KATNB1: variants seen among roughly 807,000 people sequenced by gnomAD.
KATNB1 encodes katanin p80 WD40 repeat-containing subunit B1.
In KATNB1, 38 loss-of-function variants were observed where a neutral mutation model predicts 82.3. That is an observed-to-expected ratio of 0.46 (90% CI 0.36 to 0.61). KATNB1 has a LOEUF of 0.61. KATNB1 is among the 20% of genes least tolerant of loss of function. The pLI is 0.00. For synonymous variants in KATNB1, 361 were observed against 368.7 expected (o/e 0.98, Z 0.24); for missense variants, 749 against 915.7 (o/e 0.82, Z 2.35).
At chr16:57,754,224 TG>T (rs1262221279) in intron 13 of KATNB1, among the ~76,000 whole-genome samples, 1 of 151,934 alleles carries the variant, frequency 6.6e-6, no homozygotes, top group African/African-American at 2.4e-5. Context: ...GGGACAAACA[TG>T]GACACCACCA....
At chr16:57,740,891 C>G (rs2049137134) in intron 2 of KATNB1, among the ~76,000 whole-genome samples, 1 of 152,188 alleles carries the variant, frequency 6.6e-6, no homozygotes, top group Non-Finnish European at 1.5e-5. Context: ...CTCATGGTGA[C>G]TAGCCCCGAG....
Position 57,752,807 on chromosome 16 carries a change from G to A in KATNB1, c.734G>A (p.Cys245Tyr). Residue 245 changes from cysteine (C) to tyrosine (Y), a missense_variant, in exon 10 of 20, where the codon TGC (cysteine) becomes TAC (tyrosine). By Grantham distance (194) the Cys-to-Tyr change is radical (BLOSUM62 -2). This residue lies in a region of KATNB1 where 247 missense variants were observed against 349.4 expected (regional missense o/e 0.71). Coordinates refer to ENST00000379661, the MANE Select transcript of KATNB1 (RefSeq NM_005886.3). ...RSVLFNPDGC[C>Y]LYSGCQDSLR... ...GTCCTCTTCAACCCAGACGGCTGCT[G>A]CCTGTACAGCGGCTGCCAGGACTCA... is the stretch of plus-strand genomic sequence containing the variant. 2 of 1,611,162 alleles carry A rather than the reference G, an allele frequency of 1.2e-6. No homozygotes were observed. Among genetic ancestry groups the A allele is most frequent in the Non-Finnish European group, 1.7e-6 (2 of 1,179,688 alleles).
Position 57,756,749 on chromosome 16 carries a change from G to A in KATNB1, c.1836-65G>A, listed in dbSNP as rs192816669. On this transcript the variant is annotated intron_variant, in intron 19 of 19. Coordinates refer to ENST00000379661, the MANE Select transcript of KATNB1 (RefSeq NM_005886.3). ...GGCTGGAGCAGTTAGGACAGCAAAG[G>A]CCCTGGGGTTGGGTGTGGGTGGTGG... is the stretch of plus-strand genomic sequence containing the variant. The A allele has an allele frequency of 4.7e-6, 7 of 1,481,454 alleles. No homozygotes were observed. In the East Asian group the frequency reaches 1.7e-4, roughly 36 times the overall value. 91.8% of individuals were successfully genotyped at this position (1,481,454 alleles called of 1,614,324 possible). A position where few individuals can be genotyped will look rare whatever the true frequency, so the allele number is the denominator to read the frequency against.
chr16:57,754,083 T>C, intron 13 of KATNB1, 88 bp downstream of exon 13: 1 of 1,130,982 alleles, frequency 8.8e-7, no homozygotes, highest in Non-Finnish European at 1.3e-6. Flanking sequence ...AACAAGCCCC[T>C]TCCCAGGACC....
At position 57,752,542 on chromosome 16, in the gene KATNB1, C is replaced by T. The variant is rs1567901527; in HGVS notation, c.645C>T (p.Phe215=). The part of the protein sequence containing the change: ...ASGSSDRTIR[F]WDLEKFQVVS... Reference sequence around the variant, plus strand: ...GCTGCCTTTGCAGGACAATCCGCTTCTGGGACCTGGAGAAGTTCCAGGTGG... The same window carrying T: ...GCTGCCTTTGCAGGACAATCCGCTTTTGGGACCTGGAGAAGTTCCAGGTGG... The change falls in exon 9 of 20, where the codon TTC becomes TTT. Residue 215 remains phenylalanine (F), a synonymous_variant. Coordinates refer to ENST00000379661, the MANE Select transcript of KATNB1 (RefSeq NM_005886.3). 6.4e-7 allele frequency: 1 copy of T among 1,566,034 alleles called. No homozygotes were observed.
chr16:57,741,543 G>T, intron 2 of KATNB1, 144 bp from the exon 3 acceptor site: 4 of 816,084 alleles, frequency 4.9e-6, no homozygotes, highest in Non-Finnish European at 7.8e-6. Context: ...GCAGCTCATG[G>T]TGGACACCAA....
rs1363410121 is a variant in KATNB1, at chr16:57,751,118, GAGC to G, written c.391-140_391-138del. 1.1e-6 allele frequency: 1 copy of G among 869,646 alleles called. No homozygotes were observed. The highest frequency in any genetic ancestry group is 1.7e-5 in the African/African-American group (1 of 60,278). 53.9% of individuals were successfully genotyped at this position (869,646 alleles called of 1,614,324 possible). On this transcript the variant is annotated intron_variant, in intron 5 of 19. Coordinates refer to ENST00000379661, the MANE Select transcript of KATNB1 (RefSeq NM_005886.3). This position sits in a 1 kb window ranked among gnomAD's most constrained non-coding sequence, Gnocchi z 6.3. ...TTCTGCTCAGAATGCCAGCTTTAGT[GAGC>G]AGTTTCTGTCCTTGTCTCCGTGGGG...
intron 2 of KATNB1, among the ~76,000 whole-genome samples, chr16:57,740,711 C>A (rs970625570): frequency 6.6e-6 from 1 of 152,226 alleles, no homozygotes; most frequent in Non-Finnish European, 1.5e-5. Flanking sequence ...TCCTCCGAGG[C>A]TCCTGTCTGC....
In KATNB1 at chr16:57,755,198, G is replaced by C. The variant is rs543243892; in HGVS notation, c.1376G>C (p.Arg459Pro). The C allele has an allele frequency of 9.9e-6, 16 of 1,612,048 alleles. No individual in the cohort carries two copies. The highest frequency in any genetic ancestry group is 1.4e-5 in the Non-Finnish European group (16 of 1,179,970). ...KAEPAIIPAT[R>P]NEPIGLKASD... is the part of the protein sequence containing the mutation. The stretch of plus-strand genomic sequence containing the variant: ...GAGCCTGCCATCATCCCTGCCACCC[G>C]GAACGAGCCCATCGGGCTGAAGGCC... The change falls in exon 15 of 20, where the codon CGG (arginine) becomes CCG (proline). Residue 459 changes from arginine to proline, a missense_variant. Coordinates refer to ENST00000379661, the MANE Select transcript of KATNB1 (RefSeq NM_005886.3).
chr16:57,750,998 T>C, intron 5 of KATNB1, 71 bp downstream of exon 5: 3 of 1,259,902 alleles, frequency 2.4e-6, no homozygotes, highest in Non-Finnish European at 3.5e-6. Context: ...CGGCCCTCAG[T>C]GCTGGATGCC....
At chr16:57,743,990 G>T (rs1000217607) in intron 3 of KATNB1, among the ~76,000 whole-genome samples, 1 of 152,212 alleles carries the variant, frequency 6.6e-6, no homozygotes, top group African/African-American at 2.4e-5. Context: ...GGCTTACCTC[G>T]CTGAGGGGCT....
In KATNB1 at chr16:57,753,530, G is replaced by A. The variant is rs782183107; in HGVS notation, c.1177+11G>A. 1.2e-6 allele frequency: 2 copies of A among 1,612,182 alleles called. No individual in the cohort carries two copies. The highest frequency in any genetic ancestry group is 8.5e-7 in the Non-Finnish European group (1 of 1,179,420). ...CCAAGAACAGCATCAGTGAGGCCGG[G>A]CTCCCGCCCCCAGCCCAGCGTCCCC... is the stretch of plus-strand genomic sequence containing the variant. On this transcript the variant is annotated intron_variant, in intron 12 of 19. Coordinates refer to ENST00000379661, the MANE Select transcript of KATNB1 (RefSeq NM_005886.3).
rs1555583325 is a variant in KATNB1 at position 57,751,900 on chromosome 16, A to G, written c.517-40A>G. On this transcript the variant is annotated intron_variant, in intron 7 of 19. Coordinates refer to ENST00000379661, the MANE Select transcript of KATNB1 (RefSeq NM_005886.3). The surrounding 1 kb of genome is among the most constrained non-coding windows in gnomAD (Gnocchi z 6.3). ...ATTAGAGGGAGGGTGGGCAGCCAAGATGCCTGGTCACCCTGACCTCCTCCC... is the reference window on the plus strand; with the variant it reads ...ATTAGAGGGAGGGTGGGCAGCCAAGGTGCCTGGTCACCCTGACCTCCTCCC... 6.5e-7 allele frequency: 1 copy of G among 1,530,300 alleles called. No homozygotes were observed. Among genetic ancestry groups the G allele is most frequent in the Non-Finnish European group, 9.0e-7 (1 of 1,106,828 alleles). The allele number at this position is 1,530,300 out of a possible 1,614,324, so 94.8% of individuals were successfully genotyped here. A position where few individuals can be genotyped will look rare whatever the true frequency, so the allele number is the denominator to read the frequency against.
chr16:57,754,110 C>T (rs782769915), intron 13 of KATNB1, 115 bp downstream of exon 13: 350 of 847,976 alleles, frequency 4.1e-4, no homozygotes, highest in Non-Finnish European at 5.9e-4. Context: ...TCTCAGGACA[C>T]GACCCACACC....
chr16:57,756,434 C>G lies in KATNB1; in HGVS notation c.1797C>G (p.Ala599=). ...FLPLITDMLA[A]PPSVGVDISR... ...CCCTCATCACAGACATGCTGGCGGC[C>G]CCACCCTCTGTGGGTGTGGATATCA... Residue 599 remains alanine (A), a synonymous_variant, in exon 19 of 20, where the codon GCC becomes GCG. Transcript: ENST00000379661. 6.2e-7 allele frequency: 1 copy of G among 1,613,824 alleles called. No individual in the cohort carries two copies. The highest frequency in any genetic ancestry group is 1.1e-5 in the South Asian group (1 of 91,088).
Position 57,751,888 on chromosome 16 carries a change from T to G in KATNB1, c.517-52T>G, listed in dbSNP as rs1597829038. The G allele has an allele frequency of 6.8e-7, 1 of 1,475,520 alleles. No individual in the cohort carries two copies. The allele number at this position is 1,475,520 out of a possible 1,614,324, so 91.4% of individuals were successfully genotyped here. A position where few individuals can be genotyped will look rare whatever the true frequency, so the allele number is the denominator to read the frequency against. ...AGCTTGGCCTGGATTAGAGGGAGGG[T>G]GGGCAGCCAAGATGCCTGGTCACCC... On this transcript the variant is annotated intron_variant, in intron 7 of 19. Transcript: ENST00000379661. The surrounding 1 kb of genome is among the most constrained non-coding windows in gnomAD (Gnocchi z 6.3).
chr16:57,753,608 C>T (rs1465335627), intron 12 of KATNB1, 89 bp downstream of exon 12: 4 of 1,526,820 alleles, frequency 2.6e-6, no homozygotes, highest in East Asian at 2.3e-5. Flanking sequence ...TGTGGCTCCG[C>T]ATCCCTTTAA....
At chr16:57,754,365 G>T (rs1245910947) in intron 13 of KATNB1, among the ~76,000 whole-genome samples, 4 of 152,192 alleles carry the variant, frequency 2.6e-5, no homozygotes, top group Non-Finnish European at 5.9e-5. Flanking sequence ...GCCTGTCAAG[G>T]CCTGGGGGCC....
Position 57,755,242 on chromosome 16 carries a change from A to T in KATNB1, c.1416+4A>T, listed in dbSNP as rs782053666. On this transcript the variant is annotated splice_donor_region_variant and intron_variant, in intron 15 of 19. Transcript: ENST00000379661. ...GAAGGCCTCCGACTTCCTGCCCGTGAGTAGGAGCCCAGCTCGAGGCATGGG... is the reference window on the plus strand; with the variant it reads ...GAAGGCCTCCGACTTCCTGCCCGTGTGTAGGAGCCCAGCTCGAGGCATGGG... The T allele has an allele frequency of 6.2e-7, 1 of 1,610,792 alleles. No individual in the cohort carries two copies. The highest frequency in any genetic ancestry group is 2.2e-5 in the East Asian group (1 of 44,882).
Sources: allele counts gnomAD v4.1 joint callset (sites outside exome capture counted in the v4.1 genomes callset), GRCh38; gene constraint gnomAD v4.1.1; regional missense constraint gnomAD v4.1.1; non-coding constraint Gnocchi (gnomAD v3.1); transcripts MANE v1.5; gene names NCBI Gene and HGNC (gene_info 2026-07-23, HGNC 2026-07-21).